The following TTC1 variants were observed in gnomAD, a reference collection of about 807,000 sequenced individuals.
TTC1 encodes tetratricopeptide repeat protein 1.
Under a neutral mutation model 37.6 loss-of-function variants are expected in TTC1, and 31 were observed. The ratio of observed to expected loss-of-function variants is 0.82; its 90% CI spans 0.62 to 1.11. TTC1 has a LOEUF of 1.11. Ranked by LOEUF, TTC1 falls within the 50% of genes most tolerant of loss-of-function variation. TTC1 has a pLI of 0.00. For missense variants in TTC1, 351 were observed against 339.0 expected (o/e 1.04, Z -0.28); for synonymous variants, 127 against 122.4 (o/e 1.04, Z -0.25).
At chr5:160,036,263 T>G (rs1756997146) in intron 3 of TTC1, among the ~76,000 whole-genome samples, 1 of 152,244 alleles carries the variant, frequency 6.6e-6, no homozygotes, top group Admixed American at 6.5e-5. Flanking sequence ...ACAACAGATT[T>G]AATGAAAACA....
At chr5:160,039,050 A>G (rs140035466) in intron 4 of TTC1, 4 of 152,162 alleles carry the variant, frequency 2.6e-5, no homozygotes, top group African/African-American at 9.7e-5. Context: ...TTTAAGGAGC[A>G]TATTATATTC....
At chr5:160,041,334 A>G (rs1757089484) in intron 4 of TTC1, among the ~76,000 whole-genome samples, 1 of 136,430 alleles carries the variant, frequency 7.3e-6, no homozygotes, top group Admixed American at 8.0e-5. Context: ...TTTTTTGGAG[A>G]TAGAGTTACT....
intron 4 of TTC1, among the ~76,000 whole-genome samples, chr5:160,037,473 T>C (rs1757015621): frequency 6.6e-6 from 1 of 152,170 alleles, no homozygotes; most frequent in Admixed American, 6.5e-5. Context: ...CCCAGCACTA[T>C]GGGTGGCCGA....
chr5:160,021,381 T>G (rs1756701652), intron 2 of TTC1, among the ~76,000 whole-genome samples: 1 of 152,238 alleles, frequency 6.6e-6, no homozygotes, highest in Admixed American at 6.5e-5. Context: ...GGTTTTCTTT[T>G]ACCTACATCC....
Position 160,023,849 on chromosome 5 carries a change from C to T in TTC1, c.331-11291C>T, listed in dbSNP as rs1756757065. The stretch of plus-strand genomic sequence containing the variant: ...TGAGCTGTCAGAGTCAGATGACTTC[C>T]AATTCTTTTTCTTCTCCTCCTTTCT... On this transcript the variant is annotated intron_variant, in intron 2 of 7. Coordinates refer to ENST00000231238, the MANE Select transcript of TTC1 (RefSeq NM_003314.3). 1.9e-6 allele frequency: 3 copies of T among 1,613,010 alleles called. No homozygotes were observed. The South Asian group carries it at 3.3e-5, about 18-fold the overall frequency.
chr5:160,024,044 A>T (rs1036774467), intron 2 of TTC1: 1 of 1,239,894 alleles, frequency 8.1e-7, no homozygotes. Flanking sequence ...GGTAGTGTTC[A>T]ATCAATATAC....
intron 7 of TTC1, among the ~76,000 whole-genome samples, chr5:160,054,441 C>T (rs1002534749): frequency 6.6e-6 from 1 of 152,068 alleles, no homozygotes; most frequent in East Asian, 1.9e-4. Flanking sequence ...TGGCAAGACC[C>T]CCATCTCTGC....
At chr5:160,058,243 G>A (rs1040177921) in intron 7 of TTC1, among the ~76,000 whole-genome samples, 4 of 152,026 alleles carry the variant, frequency 2.6e-5, no homozygotes, top group East Asian at 1.9e-4. Flanking sequence ...AGCGCCACTC[G>A]AATTCTAGTT....
Position 160,010,218 on chromosome 5 carries a change from A to ACTG in TTC1, c.-29-280_-29-278dup, listed in dbSNP as rs573489398. ...GGTTGCAGTGAGCCGAGATCGCGCC[A>ACTG]CTGCACTCCAGCCTGGGCGACAGAC... On this transcript the variant is annotated intron_variant, in intron 1 of 7. Transcript: ENST00000231238. 4.7e-3 allele frequency among the ~76,000 whole-genome samples: 690 copies of ACTG among 146,058 alleles called. 5 individuals carry two copies. The highest frequency in any genetic ancestry group is 0.018 in the South Asian group (80 of 4,542).
intron 7 of TTC1, among the ~76,000 whole-genome samples, chr5:160,058,264 T>C (rs948639154): frequency 4.6e-5 from 7 of 152,222 alleles, no homozygotes; most frequent in Non-Finnish European, 8.8e-5. Flanking sequence ...ACCTTGTTAT[T>C]GTCACCACAT....
chr5:160,015,427 G>A (rs955154953), intron 2 of TTC1, among the ~76,000 whole-genome samples: 9 of 152,124 alleles, frequency 5.9e-5, no homozygotes, highest in Admixed American at 2.6e-4. Context: ...GGCTGGTCTC[G>A]AACTCCTGGA....
intron 2 of TTC1, among the ~76,000 whole-genome samples, chr5:160,018,540 A>G (rs1348542618): frequency 1.3e-5 from 2 of 152,214 alleles, no homozygotes; most frequent in Non-Finnish European, 2.9e-5. Context: ...TGTTCAAGGA[A>G]TGGAAGAGCC....
intron 5 of TTC1, among the ~76,000 whole-genome samples, chr5:160,044,241 CA>C (rs1757159526): frequency 6.6e-6 from 1 of 152,004 alleles, no homozygotes; most frequent in Non-Finnish European, 1.5e-5. Context: ...CTGCTGTTAC[CA>C]AAAAGGGGTC....
chr5:160,046,215 C>T (rs1471131902), intron 5 of TTC1, among the ~76,000 whole-genome samples: 2 of 152,190 alleles, frequency 1.3e-5, no homozygotes, highest in Non-Finnish European at 2.9e-5. Flanking sequence ...TTTATCCATG[C>T]CATTGAAACC....
chr5:160,053,772 T>C (rs1335509764), intron 7 of TTC1, among the ~76,000 whole-genome samples: 1 of 152,218 alleles, frequency 6.6e-6, no homozygotes, highest in Non-Finnish European at 1.5e-5. Flanking sequence ...AAAATGGGTT[T>C]TTATTTAGAT....
At chr5:160,053,549 G>GT (rs1257959584) in intron 7 of TTC1, among the ~76,000 whole-genome samples, 14 of 152,258 alleles carry the variant, frequency 9.2e-5, no homozygotes, top group Admixed American at 8.5e-4. Flanking sequence ...GGGTGACAGA[G>GT]TGAGACCTTG....
At chr5:160,033,718 T>G (rs1277633785) in intron 2 of TTC1, among the ~76,000 whole-genome samples, 1 of 152,206 alleles carries the variant, frequency 6.6e-6, no homozygotes, top group Non-Finnish European at 1.5e-5. Flanking sequence ...CTCACTATCA[T>G]GAGAACAACA....
intron 4 of TTC1, among the ~76,000 whole-genome samples, chr5:160,042,768 AG>A (rs1348930992): frequency 5.3e-5 from 8 of 152,222 alleles, no homozygotes. Context: ...CTAGCCAGAG[AG>A]GAGGGTAATT....
intron 5 of TTC1, among the ~76,000 whole-genome samples, chr5:160,043,857 A>C (rs1318994836): frequency 2.6e-5 from 4 of 152,178 alleles, no homozygotes; most frequent in Non-Finnish European, 4.4e-5. Flanking sequence ...GATTCTACAC[A>C]ATGAATCAAG....
Sources: gnomAD v4.1 joint callset for allele counts (sites outside exome capture counted in the v4.1 genomes callset) on GRCh38, gnomAD v4.1.1 for gene constraint, MANE v1.5 for transcripts, NCBI Gene and HGNC (gene_info 2026-07-23, HGNC 2026-07-21) for gene names.